Variants in TPRN observed in about 807,000 individuals in gnomAD.
The protein encoded by TPRN is taperin, also known as chromosome 9 open reading frame 75.
Under a neutral mutation model 42.6 loss-of-function variants are expected in TPRN, and 32 were observed. That is an observed-to-expected ratio of 0.75 (90% CI 0.57 to 1.01). TPRN has a LOEUF of 1.01. Among genes scored for constraint, TPRN ranks in the 50% least tolerant of loss-of-function variants. TPRN has a pLI of 0.00. For missense variants in TPRN, 1,095 were observed against 957.5 expected, an observed-to-expected ratio of 1.14 and a Z score of -1.90; for synonymous variants, 541 against 445.6, an observed-to-expected ratio of 1.21 and a Z score of -2.70.
intron 1 of TPRN, chr9:137,195,033 T>C (rs1834685636): frequency 6.6e-6 from 1 of 152,384 alleles, no homozygotes; most frequent in Admixed American, 6.5e-5. Flanking sequence ...CACCTAGCTT[T>C]GGTTACCAAA....
chr9:137,198,433 A>C (rs1001243306), intron 1 of TPRN, among the ~76,000 whole-genome samples: 1 of 152,222 alleles, frequency 6.6e-6, no homozygotes, highest in African/African-American at 2.4e-5. Flanking sequence ...CCCAGCTCCC[A>C]ACCAGTGTGC....
At position 137,191,893 on chromosome 9, in the gene TPRN, C is replaced by T. The variant is rs1834622945; in HGVS notation, c.*219G>A. 4 of 635,386 alleles carry T rather than the reference C, an allele frequency of 6.3e-6. No homozygotes were observed. Among genetic ancestry groups the T allele is most frequent in the South Asian group, 5.4e-5 (3 of 56,058 alleles). 39.4% of individuals were successfully genotyped at this position (635,386 alleles called of 1,614,324 possible). On this transcript the variant is annotated 3_prime_UTR_variant, in exon 4 of 4. Transcript: ENST00000409012. The stretch of plus-strand genomic sequence containing the variant: ...CACTCACCCACAGGCAGTTCCCCAC[C>T]CCACTTCCCCCTTGGACCCTCCCAA...
rs748099880 is a variant in TPRN, at chr9:137,199,441, G to C, written c.1271C>G (p.Pro424Arg). ...QRPSSPPPFL[P>R]AASEEAEPAE... is the part of the protein sequence containing the mutation. ...AGGCTCAGCTTCTTCCGAAGCAGCC[G>C]GCAGGAAGGGGGGCGGTGAGGACGG... is the stretch of plus-strand genomic sequence containing the variant. Residue 424 changes from proline (P) to arginine (R), a missense_variant, in exon 1 of 4, where the codon CCG (proline) becomes CGG (arginine). Transcript: ENST00000409012. 1.2e-6 allele frequency: 2 copies of C among 1,609,582 alleles called. No homozygotes were observed. Among genetic ancestry groups the C allele is most frequent in the South Asian group, 1.1e-5 (1 of 90,668 alleles).
Position 137,199,167 on chromosome 9 carries a change from C to T in TPRN, c.1545G>A (p.Gln515=), listed in dbSNP as rs772791140. The T allele has an allele frequency of 6.2e-7, 1 of 1,613,242 alleles. No homozygotes were observed. The highest frequency in any genetic ancestry group is 8.5e-7 in the Non-Finnish European group (1 of 1,180,022). The change falls in exon 1 of 4, where the codon CAG becomes CAA. Residue 515 remains glutamine (Q), a synonymous_variant. Transcript: ENST00000409012. The stretch of plus-strand genomic sequence containing the variant: ...GCTCCCTGTTGGCCTGACTGAAGTG[C>T]TGGTCCTGCAGAGTCCCTGGCTTCC... ...PKRKPGTLQD[Q]HFSQANREPR... is the part of the protein sequence containing the mutation.
At position 137,199,180 on chromosome 9, in the gene TPRN, G is replaced by A. The variant is rs1201214873; in HGVS notation, c.1532C>T (p.Thr511Ile). ...FTVVPKRKPGTLQDQHFSQAN... is the reference protein window; with the variant it reads ...FTVVPKRKPGILQDQHFSQAN... ...CTGACTGAAGTGCTGGTCCTGCAGA[G>A]TCCCTGGCTTCCTCTTGGGCACCAC... is the stretch of plus-strand genomic sequence containing the variant. The change falls in exon 1 of 4, where the codon ACT becomes ATT. Residue 511 changes from threonine (T) to isoleucine (I), a missense_variant. Physicochemically the swap from Thr to Ile is moderately conservative, Grantham distance 89. Transcript: ENST00000409012. 6.2e-7 allele frequency: 1 copy of A among 1,613,234 alleles called. No individual in the cohort carries two copies. Among genetic ancestry groups the A allele is most frequent in the Admixed American group, 1.7e-5 (1 of 60,032 alleles).
Position 137,199,387 on chromosome 9 carries a change from G to A in TPRN, c.1325C>T (p.Ala442Val), listed in dbSNP as rs1834759080. ...PAEGLRVPGLAKNSREYVRPG... is the reference protein window; with the variant it reads ...PAEGLRVPGLVKNSREYVRPG... ...CCTCACATATTCCCGGCTATTCTTG[G>A]CCAAGCCAGGAACCCTGAGGCCCTC... Residue 442 changes from alanine to valine, a missense_variant, in exon 1 of 4, where the codon GCC becomes GTC. By Grantham distance (64) the Ala-to-Val change is moderately conservative. Coordinates refer to ENST00000409012, the MANE Select transcript of TPRN (RefSeq NM_001128228.3). The A allele has an allele frequency of 3.1e-6, 5 of 1,612,716 alleles. No individual in the cohort carries two copies. The highest frequency in any genetic ancestry group is 4.2e-6 in the Non-Finnish European group (5 of 1,179,980).
At position 137,199,500 on chromosome 9, in the gene TPRN, G is replaced by C; in HGVS notation, c.1212C>G (p.Thr404=). 1 of 1,582,774 alleles carries C rather than the reference G, an allele frequency of 6.3e-7. No homozygotes were observed. The highest frequency in any genetic ancestry group is 1.3e-5 in the African/African-American group (1 of 74,378). The part of the protein sequence containing the change: ...VEEGACPRTA[T]ALADRAIRWQ... ...ACCTAATAGCCCGGTCAGCGAGGGC[G>C]GTGGCTGTCCTGGGACAGGCCCCCT... The change falls in exon 1 of 4, where the codon ACC becomes ACG. Residue 404 remains threonine, a synonymous_variant. Transcript: ENST00000409012.
rs758403729 is a variant in TPRN at position 137,191,732 on chromosome 9, C to G, written c.*380G>C. On this transcript the variant is annotated 3_prime_UTR_variant, in exon 4 of 4. Coordinates refer to ENST00000409012, the MANE Select transcript of TPRN (RefSeq NM_001128228.3). ...TTAGGGTCCTGCAGAGGACAAGTAG[C>G]TGGGACAGCCCTTCACCCCGACACC... The G allele has an allele frequency of 7.9e-6, 3 of 380,184 alleles. No homozygotes were observed. The highest frequency in any genetic ancestry group is 4.2e-5 in the African/African-American group (2 of 47,882). 23.6% of individuals were successfully genotyped at this position (380,184 alleles called of 1,614,324 possible).
chr9:137,192,411 C>T (rs1834635525), intron 2 of TPRN, 40 bp downstream of exon 2: 1 of 1,611,316 alleles, frequency 6.2e-7, no homozygotes. Flanking sequence ...GACCAGGCTC[C>T]ACCCCTCCCA....
In TPRN at chr9:137,199,176, C is replaced by G. The variant is rs368326338; in HGVS notation, c.1536G>C (p.Leu512=). 34 of 1,613,116 alleles carry G rather than the reference C, an allele frequency of 2.1e-5. No individual in the cohort carries two copies. Among genetic ancestry groups the G allele is most frequent in the Non-Finnish European group, 2.9e-5 (34 of 1,180,034 alleles). Residue 512 remains leucine (L), a synonymous_variant, in exon 1 of 4, where the codon CTG becomes CTC. Transcript: ENST00000409012. ...TVVPKRKPGT[L]QDQHFSQANR... is the part of the protein sequence containing the mutation. ...TGGCCTGACTGAAGTGCTGGTCCTG[C>G]AGAGTCCCTGGCTTCCTCTTGGGCA...
At chr9:137,197,953 C>G (rs1201781275) in intron 1 of TPRN, among the ~76,000 whole-genome samples, 1 of 152,182 alleles carries the variant, frequency 6.6e-6, no homozygotes, top group African/African-American at 2.4e-5. Flanking sequence ...GGGAGAGGCG[C>G]AATGCCAAGG....
chr9:137,192,219 T>A (rs1176486791), intron 3 of TPRN, 40 bp downstream of exon 3: 1 of 1,612,780 alleles, frequency 6.2e-7, no homozygotes, highest in Non-Finnish European at 8.5e-7. Context: ...CTCGCCCGGG[T>A]GTCAGACTCC....
At position 137,199,547 on chromosome 9, in the gene TPRN, C is replaced by A. The variant is rs1588776249; in HGVS notation, c.1165G>T (p.Glu389Ter). 1.3e-6 allele frequency: 2 copies of A among 1,562,344 alleles called. No individual in the cohort carries two copies. Among genetic ancestry groups the A allele is most frequent in the Non-Finnish European group, 1.7e-6 (2 of 1,153,888 alleles). ...CCCTCCTCGACTGCCCACTGTGCCT[C>A]GACCTCCAGGGGGCTCTTCCCGAGG... is the stretch of plus-strand genomic sequence containing the variant. ...PALGKSPLEV[E>*]AQWAVEEGAC... The change falls in exon 1 of 4, where the codon GAG (glutamate) becomes TAG (stop). Residue 389 changes from glutamate to a stop codon, truncating the protein, a stop_gained. Transcript: ENST00000409012. LOFTEE classifies it high-confidence loss of function.
At position 137,200,666 on chromosome 9, in the gene TPRN, G is replaced by C. The variant is rs757535412; in HGVS notation, c.46C>G (p.Pro16Ala). The C allele has an allele frequency of 8.1e-7, 1 of 1,234,772 alleles. No homozygotes were observed. Among genetic ancestry groups the C allele is most frequent in the Admixed American group, 3.4e-5 (1 of 29,624 alleles). The allele number at this position is 1,234,772 out of a possible 1,614,324, so 76.5% of individuals were successfully genotyped here. Residue 16 changes from proline (P) to alanine (A), a missense_variant, in exon 1 of 4, where the codon CCC becomes GCC. Physicochemically the swap from Pro to Ala is conservative, Grantham distance 27. Transcript: ENST00000409012. The surrounding 1 kb of genome is among the most constrained non-coding windows in gnomAD (Gnocchi z 4.3). ...RPGSGPRAAV[P>A]AWKREILERK... ...TCCAGGATCTCACGCTTCCAAGCGG[G>C]CACCGCAGCGCGCGGCCCCGAGCCC... is the stretch of plus-strand genomic sequence containing the variant.
At chr9:137,198,615 G>C (rs1485752499) in intron 1 of TPRN, among the ~76,000 whole-genome samples, 1 of 152,234 alleles carries the variant, frequency 6.6e-6, no homozygotes, top group Non-Finnish European at 1.5e-5. Flanking sequence ...ACCCCTCAAA[G>C]CCAAGCCCAG....
At chr9:137,196,592 A>C (rs1000900912) in intron 1 of TPRN, among the ~76,000 whole-genome samples, 1 of 152,002 alleles carries the variant, frequency 6.6e-6, no homozygotes, top group East Asian at 1.9e-4. Context: ...TGTCTCAAAA[A>C]ACAAAAAATA....
At position 137,199,055 on chromosome 9, in the gene TPRN, C is replaced by A; in HGVS notation, c.1657G>T (p.Glu553Ter). 6.2e-7 allele frequency: 1 copy of A among 1,613,330 alleles called. No individual in the cohort carries two copies. Among genetic ancestry groups the A allele is most frequent in the Non-Finnish European group, 8.5e-7 (1 of 1,180,002 alleles). Residue 553 changes from glutamate (E) to a stop codon, truncating the protein, a stop_gained, in exon 1 of 4, where the codon GAG (glutamate) becomes TAG (stop). Transcript: ENST00000409012. LOFTEE classifies it high-confidence loss of function. ...AGGGCCAGGTAGCCGCCAATCACCT[C>A]GATCTCATGCACGGTGGGGTAGCGC... ...KKRYPTVHEI[E>*]VIGGYLALQK...
chr9:137,196,616 C>G (rs1370395984), intron 1 of TPRN, among the ~76,000 whole-genome samples: 1 of 152,116 alleles, frequency 6.6e-6, no homozygotes, highest in Non-Finnish European at 1.5e-5. Context: ...AAAGGCTGGC[C>G]AGGGTGGTCA....
At chr9:137,195,641 C>T (rs894100070) in intron 1 of TPRN, among the ~76,000 whole-genome samples, 2 of 152,206 alleles carry the variant, frequency 1.3e-5, no homozygotes, top group African/African-American at 2.4e-5. Context: ...CAGGTGAGGG[C>T]GGACGGCCCT....
Sources: allele counts gnomAD v4.1 joint callset (sites outside exome capture counted in the v4.1 genomes callset), GRCh38; gene constraint gnomAD v4.1.1; non-coding constraint Gnocchi (gnomAD v3.1); transcripts MANE v1.5; gene names NCBI Gene and HGNC (gene_info 2026-07-23, HGNC 2026-07-21).